The following APOBEC2 variants were observed in gnomAD, a reference collection of about 807,000 sequenced individuals.
The protein encoded by APOBEC2 is apolipoprotein B mRNA editing enzyme catalytic subunit 2.
APOBEC2 carries 14 observed loss-of-function variants against 19.4 expected under a neutral mutation model. The ratio of observed to expected loss-of-function variants is 0.72; its 90% CI spans 0.48 to 1.13. The LOEUF (loss-of-function observed/expected upper bound fraction) is 1.13, where lower values mean the gene tolerates loss of function less well. Ranked by LOEUF, APOBEC2 falls within the 50% of genes most tolerant of loss-of-function variation. APOBEC2 has a pLI of 0.00. For synonymous variants in APOBEC2, 127 were observed against 112.1 expected, an observed-to-expected ratio of 1.13 and a Z score of -0.84; for missense variants, 304 against 277.0, an observed-to-expected ratio of 1.10 and a Z score of -0.69.
At chr6:41,059,497 GATT>G (rs1358713957) in intron 1 of APOBEC2, among the ~76,000 whole-genome samples, 1 of 152,146 alleles carries the variant, frequency 6.6e-6, no homozygotes, top group East Asian at 1.9e-4. Context: ...GCCTGACAGG[GATT>G]GAGAAGAGGA....
At chr6:41,059,152 G>A (rs62397204) in intron 1 of APOBEC2, among the ~76,000 whole-genome samples, 11,850 of 152,194 alleles carry the variant, frequency 0.078, 563 homozygotes, top group Middle Eastern at 0.13. Context: ...AATTCACACT[G>A]GCCTAAATTC....
intron 1 of APOBEC2, among the ~76,000 whole-genome samples, chr6:41,054,039 G>C (rs1298762222): frequency 6.6e-6 from 1 of 152,132 alleles, no homozygotes; most frequent in Non-Finnish European, 1.5e-5. Flanking sequence ...GTCTCCTCAG[G>C]GGCTGTCCCA....
intron 1 of APOBEC2, 129 bp downstream of exon 1, chr6:41,053,607 CA>C: frequency 1.4e-6 from 2 of 1,399,632 alleles, no homozygotes; most frequent in South Asian, 1.5e-5. Flanking sequence ...GAGAGTGCAC[CA>C]GTGGGCCCGG....
Position 41,061,886 on chromosome 6 carries a change from G to GCCT in APOBEC2, c.*17_*19dup. ...TCCTGAAGTAGGGCAACTGGGCTTTGCCTCACGTGAGTTTTCCTGGTGCCA... is the reference window on the plus strand; with the variant it reads ...TCCTGAAGTAGGGCAACTGGGCTTTGCCTCCTCACGTGAGTTTTCCTGGTGCCA... On this transcript the variant is annotated 3_prime_UTR_variant, in exon 2 of 3. Transcript: ENST00000244669. 1 of 1,603,760 alleles carries GCCT rather than the reference G, an allele frequency of 6.2e-7. No homozygotes were observed.
chr6:41,058,825 C>A (rs1762836316), intron 1 of APOBEC2, among the ~76,000 whole-genome samples: 1 of 152,178 alleles, frequency 6.6e-6, no homozygotes, highest in African/African-American at 2.4e-5. Context: ...TCTGAGCAAG[C>A]CCAAGGGAAC....
chr6:41,057,264 C>A (rs1762808855), intron 1 of APOBEC2, among the ~76,000 whole-genome samples: 1 of 152,168 alleles, frequency 6.6e-6, no homozygotes, highest in Non-Finnish European at 1.5e-5. Flanking sequence ...TTAACACCAG[C>A]CACAGCCCTT....
At chr6:41,055,160 G>A (rs1762778673) in intron 1 of APOBEC2, among the ~76,000 whole-genome samples, 1 of 152,194 alleles carries the variant, frequency 6.6e-6, no homozygotes, top group African/African-American at 2.4e-5. Flanking sequence ...CACAGAACTG[G>A]TAGGTGGCAC....
chr6:41,057,594 A>C (rs1000415994), intron 1 of APOBEC2, among the ~76,000 whole-genome samples: 1 of 152,194 alleles, frequency 6.6e-6, no homozygotes, highest in African/African-American at 2.4e-5. Context: ...AGAAAGCAGA[A>C]GGCCAATGAA....
intron 1 of APOBEC2, among the ~76,000 whole-genome samples, chr6:41,060,353 T>C (rs1413390396): frequency 1.3e-5 from 2 of 152,224 alleles, no homozygotes; most frequent in Non-Finnish European, 2.9e-5. Flanking sequence ...ACATCATTTT[T>C]ATTGTTTTCC....
intron 1 of APOBEC2, among the ~76,000 whole-genome samples, chr6:41,056,886 A>G (rs2268193): frequency 0.39 from 59,444 of 151,600 alleles, 12,223 homozygotes; most frequent in African/African-American, 0.51. Flanking sequence ...GCAACACTAG[A>G]TTTAGGTAAG....
chr6:41,059,667 C>T (rs1342450218), intron 1 of APOBEC2, among the ~76,000 whole-genome samples: 1 of 152,180 alleles, frequency 6.6e-6, no homozygotes, highest in African/African-American at 2.4e-5. Context: ...GGAAAATGAA[C>T]CTGACAGCAC....
At chr6:41,053,978 C>T (rs1168024849) in intron 1 of APOBEC2, among the ~76,000 whole-genome samples, 2 of 152,214 alleles carry the variant, frequency 1.3e-5, no homozygotes, top group African/African-American at 4.8e-5. Flanking sequence ...AAAGATAGAT[C>T]CATCCTTTCC....
intron 1 of APOBEC2, among the ~76,000 whole-genome samples, chr6:41,056,250 T>C (rs1221154490): frequency 6.6e-6 from 1 of 152,154 alleles, no homozygotes; most frequent in African/African-American, 2.4e-5. Flanking sequence ...GCCTCCCAAG[T>C]AGCTAAGACT....
intron 1 of APOBEC2, among the ~76,000 whole-genome samples, chr6:41,060,224 C>T (rs1376397324): frequency 2.0e-5 from 3 of 152,192 alleles, no homozygotes; most frequent in African/African-American, 4.8e-5. Context: ...TCCTCAAAGG[C>T]ACCCACACAA....
rs776461790 is a variant in APOBEC2, at chr6:41,061,841, C to T, written c.645C>T (p.Tyr215=). 24 of 1,613,686 alleles carry T rather than the reference C, an allele frequency of 1.5e-5. No homozygotes were observed. Among genetic ancestry groups the T allele is most frequent in the South Asian group, 4.4e-5 (4 of 91,066 alleles). ...ACATTCAGGAGAACTTCCTATACTA[C>T]GAGGAGAAGTTGGCAGACATCCTGA... ...WEDIQENFLY[Y]EEKLADILK is the part of the protein sequence containing the mutation. The change falls in exon 2 of 3, where the codon TAC becomes TAT. Residue 215 remains tyrosine (Y), a synonymous_variant. Transcript: ENST00000244669.
chr6:41,055,543 C>T (rs920691497), intron 1 of APOBEC2, among the ~76,000 whole-genome samples: 7 of 152,122 alleles, frequency 4.6e-5, no homozygotes, highest in African/African-American at 1.4e-4. Flanking sequence ...TCAAGGGGGT[C>T]AGCAAAGCAG....
chr6:41,059,902 A>G (rs1453617597), intron 1 of APOBEC2, among the ~76,000 whole-genome samples: 1 of 152,222 alleles, frequency 6.6e-6, no homozygotes, highest in African/African-American at 2.4e-5. Context: ...ATGGTGCCAT[A>G]GGTATCTCTT....
chr6:41,061,687 C>A lies in APOBEC2; in HGVS notation c.491C>A (p.Ala164Asp). 1.2e-6 allele frequency: 2 copies of A among 1,614,244 alleles called. No homozygotes were observed. The highest frequency in any genetic ancestry group is 8.5e-7 in the Non-Finnish European group (1 of 1,180,046). ...ATGTGGGAGGAGCCGGAGATCCAGG[C>A]TGCTCTGAAGAAGCTGAAGGAGGCT... ...LFMWEEPEIQ[A>D]ALKKLKEAGC... The change falls in exon 2 of 3, where the codon GCT (alanine) becomes GAT (aspartate). Residue 164 changes from alanine to aspartate, a missense_variant. Coordinates refer to ENST00000244669, the MANE Select transcript of APOBEC2 (RefSeq NM_006789.4).
At position 41,064,196 on chromosome 6, in the gene APOBEC2, C is replaced by G. The variant is rs1385960166; in HGVS notation, c.*117C>G. The G allele has an allele frequency of 2.0e-5, 3 of 152,538 alleles. No individual in the cohort carries two copies. The highest frequency in any genetic ancestry group is 7.2e-5 in the African/African-American group (3 of 41,388). 9.4% of individuals were successfully genotyped at this position (152,538 alleles called of 1,614,324 possible). ...CCATTTGGAGCTGGACAACATTTGA[C>G]ACCAACCAATCATACTGGACAAGGC... is the stretch of plus-strand genomic sequence containing the variant. On this transcript the variant is annotated 3_prime_UTR_variant, in exon 3 of 3. Transcript: ENST00000244669.
Sources: gnomAD v4.1 joint callset for allele counts (sites outside exome capture counted in the v4.1 genomes callset) on GRCh38, gnomAD v4.1.1 for gene constraint, MANE v1.5 for transcripts, NCBI Gene and HGNC (gene_info 2026-07-23, HGNC 2026-07-21) for gene names.